UMAD1: variants seen among roughly 807,000 people sequenced by gnomAD.
UMAD1 encodes the protein UBAP1-MVB12-associated (UMA) domain containing 1.
Under a neutral mutation model 6.1 loss-of-function variants are expected in UMAD1, and 8 were observed. That is an observed-to-expected ratio of 1.30 (90% CI 0.76 to 2.35). The LOEUF is 2.35. Ranked by LOEUF, UMAD1 falls within the 30% of genes most tolerant of loss-of-function variation. UMAD1 has a pLI of 0.00. For synonymous variants in UMAD1, 56 were observed against 31.4 expected, an observed-to-expected ratio of 1.78 and a Z score of -2.61; for missense variants, 130 against 78.4, an observed-to-expected ratio of 1.66 and a Z score of -2.49.
intron 1 of UMAD1, among the ~76,000 whole-genome samples, chr7:7,666,074 T>A (rs1779445710): frequency 6.6e-6 from 1 of 152,228 alleles, no homozygotes; most frequent in Non-Finnish European, 1.5e-5. Flanking sequence ...TTTAAGAAAC[T>A]GCCAAACTGT....
At position 7,695,969 on chromosome 7, in the gene UMAD1, G is replaced by A. The variant is rs1257228522; in HGVS notation, c.82+22516G>A. 6.1e-5 allele frequency among the ~76,000 whole-genome samples: 9 copies of A among 147,018 alleles called. No individual in the cohort carries two copies. The East Asian group carries it at 1.8e-3, about 29-fold the overall frequency. ...ATAGGAGGCTCTTTTAAACCCTACTGTGTATATCTCCGTTTTTTTTTTTTT... is the reference window on the plus strand; with the variant it reads ...ATAGGAGGCTCTTTTAAACCCTACTATGTATATCTCCGTTTTTTTTTTTTT... On this transcript the variant is annotated intron_variant, in intron 2 of 3. Coordinates refer to ENST00000682710, the MANE Select transcript of UMAD1 (RefSeq NM_001302348.2).
intron 3 of UMAD1, among the ~76,000 whole-genome samples, chr7:7,860,509 T>C (rs7780862): frequency 0.81 from 121,362 of 150,550 alleles, 49,564 homozygotes; most frequent in African/African-American, 0.93. Context: ...GCTTGTAATC[T>C]CAGCACTTTG....
chr7:7,674,730 C>G (rs893033234), intron 2 of UMAD1, among the ~76,000 whole-genome samples: 3 of 152,188 alleles, frequency 2.0e-5, no homozygotes, highest in African/African-American at 7.2e-5. Context: ...CAAGTCAGAA[C>G]TGACTCTGTT....
chr7:7,650,156 T>G (rs1420674667), intron 1 of UMAD1, among the ~76,000 whole-genome samples: 1 of 152,250 alleles, frequency 6.6e-6, no homozygotes, highest in South Asian at 2.1e-4. Flanking sequence ...TTTTATGCTG[T>G]TGTCTAGAGA....
chr7:7,813,994 T>A (rs6955416), intron 3 of UMAD1, among the ~76,000 whole-genome samples: 15,275 of 151,854 alleles, frequency 0.1, 897 homozygotes, highest in East Asian at 0.31. Context: ...TTATTTATTT[T>A]TTTTTTTTGA....
chr7:7,747,738 C>A (rs1376326930), intron 2 of UMAD1, among the ~76,000 whole-genome samples: 1 of 152,030 alleles, frequency 6.6e-6, no homozygotes, highest in Non-Finnish European at 1.5e-5. Flanking sequence ...TCATTGTTAC[C>A]TGCTAGGTTG....
At chr7:7,763,065 C>A (rs749403484) in intron 2 of UMAD1, among the ~76,000 whole-genome samples, 18 of 151,852 alleles carry the variant, frequency 1.2e-4, no homozygotes, top group Non-Finnish European at 2.2e-4. Context: ...ATTCTCTAGC[C>A]AAATTATATT....
At chr7:7,856,745 T>A (rs1361446828) in intron 3 of UMAD1, among the ~76,000 whole-genome samples, 1 of 152,226 alleles carries the variant, frequency 6.6e-6, no homozygotes, top group Non-Finnish European at 1.5e-5. Flanking sequence ...TAAACTCAAG[T>A]AAGCCATACT....
chr7:7,806,567 T>C (rs1782917478), intron 3 of UMAD1, among the ~76,000 whole-genome samples: 1 of 152,228 alleles, frequency 6.6e-6, no homozygotes, highest in South Asian at 2.1e-4. Flanking sequence ...CACTTATCTT[T>C]ATTAAATTCT....
At chr7:7,766,743 A>G (rs1781991729) in intron 2 of UMAD1, among the ~76,000 whole-genome samples, 1 of 152,208 alleles carries the variant, frequency 6.6e-6, no homozygotes, top group Non-Finnish European at 1.5e-5. Context: ...TTAAATATAT[A>G]TGTAATTTCC....
At chr7:7,790,028 G>A (rs966764103) in intron 2 of UMAD1, among the ~76,000 whole-genome samples, 6 of 152,114 alleles carry the variant, frequency 3.9e-5, no homozygotes, top group Non-Finnish European at 4.4e-5. Context: ...GAATGTGGGC[G>A]GAATTGATGA....
intron 3 of UMAD1, among the ~76,000 whole-genome samples, chr7:7,805,269 AC>A (rs1782889365): frequency 6.6e-6 from 1 of 151,992 alleles, no homozygotes; most frequent in African/African-American, 2.4e-5. Flanking sequence ...TGGCCCCACC[AC>A]CCTGGAGCCT....
At chr7:7,865,519 T>A (rs892006117) in intron 3 of UMAD1, among the ~76,000 whole-genome samples, 1 of 152,124 alleles carries the variant, frequency 6.6e-6, no homozygotes, top group African/African-American at 2.4e-5. Context: ...AAAATCCCTG[T>A]TTATGGAAAC....
At chr7:7,769,976 C>T (rs1299467378) in intron 2 of UMAD1, among the ~76,000 whole-genome samples, 1 of 152,194 alleles carries the variant, frequency 6.6e-6, no homozygotes, top group Non-Finnish European at 1.5e-5. Flanking sequence ...TTTATGATTT[C>T]CAGCCTCAGC....
chr7:7,649,648 G>T (rs531421097), intron 1 of UMAD1, among the ~76,000 whole-genome samples: 17 of 151,966 alleles, frequency 1.1e-4, no homozygotes, highest in Non-Finnish European at 2.1e-4. Flanking sequence ...TTATCAGTCT[G>T]TGTTAATTTG....
At chr7:7,805,122 T>C (rs1318260733) in intron 3 of UMAD1, among the ~76,000 whole-genome samples, 1 of 152,198 alleles carries the variant, frequency 6.6e-6, no homozygotes, top group Non-Finnish European at 1.5e-5. Context: ...TAGAAGTTGA[T>C]GACTCCTAAA....
chr7:7,672,549 A>T (rs1779633041), intron 1 of UMAD1, among the ~76,000 whole-genome samples: 1 of 152,194 alleles, frequency 6.6e-6, no homozygotes, highest in Non-Finnish European at 1.5e-5. Flanking sequence ...CGAGGGCAGG[A>T]CCAGGTGTAG....
rs142140611 is a variant in UMAD1, at chr7:7,660,979, T to G, written c.-63-12330T>G. On this transcript the variant is annotated intron_variant, in intron 1 of 3. Coordinates refer to ENST00000682710, the MANE Select transcript of UMAD1 (RefSeq NM_001302348.2). ...TGGTCTTTTCACATAGTCCCATATTTCTTGGAGGCTTTGTTCATTCCTTTT... is the reference window on the plus strand; with the variant it reads ...TGGTCTTTTCACATAGTCCCATATTGCTTGGAGGCTTTGTTCATTCCTTTT... Among the ~76,000 whole-genome samples the G allele has an allele frequency of 2.1e-3, 313 of 148,820 alleles. 1 individual carries two copies. The highest frequency in any genetic ancestry group is 7.4e-3 in the African/African-American group (295 of 39,998).
At chr7:7,799,082 A>G (rs1302460916) in intron 2 of UMAD1, among the ~76,000 whole-genome samples, 1 of 151,140 alleles carries the variant, frequency 6.6e-6, no homozygotes, top group South Asian at 2.1e-4. Context: ...ATTTTTGCTT[A>G]TTTATTTTTA....
Sources: allele counts gnomAD v4.1 joint callset (sites outside exome capture counted in the v4.1 genomes callset), GRCh38; gene constraint gnomAD v4.1.1; transcripts MANE v1.5; gene names NCBI Gene and HGNC (gene_info 2026-07-23, HGNC 2026-07-21).